Variants in AVEN observed in about 807,000 individuals in gnomAD.
AVEN encodes cell death regulator Aven.
In AVEN, 41 loss-of-function variants were observed where a neutral mutation model predicts 38.1. The ratio of observed to expected loss-of-function variants is 1.08; its 90% CI spans 0.84 to 1.40. The LOEUF is 1.40. AVEN is among the 40% of genes most tolerant of loss of function. The pLI is 0.00. For synonymous variants in AVEN, 206 were observed against 171.8 expected, an observed-to-expected ratio of 1.20 and a Z score of -1.56; for missense variants, 605 against 438.8, an observed-to-expected ratio of 1.38 and a Z score of -3.38.
At chr15:33,887,634 C>G (rs1891757361) in intron 2 of AVEN, among the ~76,000 whole-genome samples, 1 of 152,070 alleles carries the variant, frequency 6.6e-6, no homozygotes, top group African/African-American at 2.4e-5. Context: ...TATTCTCAGA[C>G]AGACTCTGAG....
chr15:33,895,019 G>C (rs962084672), intron 2 of AVEN, among the ~76,000 whole-genome samples: 1 of 151,684 alleles, frequency 6.6e-6, no homozygotes, highest in Admixed American at 6.6e-5. Flanking sequence ...AGCATAGCAA[G>C]ATCCCAGAAT....
At chr15:33,863,380 T>A (rs145828187), downstream of AVEN, among the ~76,000 whole-genome samples, 4,929 of 152,244 alleles carry the variant, frequency 0.032, 155 homozygotes, top group Non-Finnish European at 0.039. Context: ...CTCTATACAC[T>A]ATACCACCAT....
chr15:33,933,309 G>A (rs780560240), intron 2 of AVEN, among the ~76,000 whole-genome samples: 2 of 152,108 alleles, frequency 1.3e-5, no homozygotes, highest in Non-Finnish European at 2.9e-5. Context: ...TTCCAAAGCA[G>A]TAACAAGGTT....
intron 2 of AVEN, chr15:33,972,365 T>C (rs1026094180): frequency 6.6e-6 from 1 of 152,080 alleles, no homozygotes; most frequent in African/African-American, 2.4e-5. Context: ...AGACGGTGTC[T>C]CTGAATGAGA....
chr15:33,884,408 A>T (rs1891615942), intron 2 of AVEN, among the ~76,000 whole-genome samples: 1 of 152,192 alleles, frequency 6.6e-6, no homozygotes, highest in African/African-American at 2.4e-5. Context: ...TTTTAAAAAT[A>T]GTCTGTCTTA....
intron 1 of AVEN, among the ~76,000 whole-genome samples, chr15:34,035,007 T>C (rs2684940): frequency 0.83 from 126,049 of 152,210 alleles, 52,409 homozygotes; most frequent in East Asian, 1. Context: ...AAGGAGCAAG[T>C]CCTTAGACAC....
At chr15:33,857,729 A>G (rs750371272), downstream of AVEN, 24 of 1,607,806 alleles carry the variant, frequency 1.5e-5, no homozygotes, top group Middle Eastern at 1.7e-4. Flanking sequence ...TGAACCTTTC[A>G]AGGTAGAGAA....
intron 1 of AVEN, among the ~76,000 whole-genome samples, chr15:34,009,249 A>G (rs1308742929): frequency 6.6e-6 from 1 of 152,246 alleles, no homozygotes; most frequent in Non-Finnish European, 1.5e-5. Context: ...CCACCTTACA[A>G]GATACACTAA....
chr15:33,997,688 C>A (rs1283571688), intron 2 of AVEN, among the ~76,000 whole-genome samples: 2 of 152,064 alleles, frequency 1.3e-5, no homozygotes, highest in African/African-American at 2.4e-5. Flanking sequence ...CCCTCATCTT[C>A]TCTCATATCT....
In AVEN at chr15:33,961,413, ATTC is replaced by A. The variant is rs139582733; in HGVS notation, c.445+41616_445+41618del. Among the ~76,000 whole-genome samples the A allele has an allele frequency of 6.3e-4, 96 of 152,128 alleles. No homozygotes were observed. In the East Asian group the frequency reaches 0.016, roughly 26 times the overall value. On this transcript the variant is annotated intron_variant, in intron 2 of 5. Coordinates refer to ENST00000306730, the MANE Select transcript of AVEN (RefSeq NM_020371.3). ...GGAGGAATTATTGGCTAGAATTTTG[ATTC>A]TTAAGGTTCTACTGTTCTAACGTAT...
chr15:34,057,134 T>A (rs2140837499), intron 5 of AVEN, among the ~76,000 whole-genome samples: 1 of 47,810 alleles, frequency 2.1e-5, no homozygotes, highest in East Asian at 3.4e-4. Context: ...GAGTTTTGGT[T>A]TTTTTTGGTT....
chr15:33,893,486 A>G (rs1022209158), intron 2 of AVEN, among the ~76,000 whole-genome samples: 3 of 152,208 alleles, frequency 2.0e-5, no homozygotes, highest in Non-Finnish European at 4.4e-5. Flanking sequence ...GCTTGAGCCC[A>G]GGAGTTGGGG....
chr15:33,893,213 C>A (rs1892062231), intron 2 of AVEN, among the ~76,000 whole-genome samples: 1 of 152,174 alleles, frequency 6.6e-6, no homozygotes, highest in Non-Finnish European at 1.5e-5. Flanking sequence ...CCCTTTATTT[C>A]TTTCTCCTGC....
downstream of AVEN, chr15:33,866,150 CA>C (rs1432323964): frequency 5.9e-6 from 1 of 170,434 alleles, no homozygotes. Context: ...GTTGATTCTA[CA>C]ACCACTCTGT....
chr15:34,058,487 A>AATTTCCCAAACAGGCCACTATAAATCT (rs1900231672), intron 5 of AVEN, among the ~76,000 whole-genome samples: 1 of 151,814 alleles, frequency 6.6e-6, no homozygotes, highest in African/African-American at 2.4e-5. Flanking sequence ...AGAGAGAGCC[A>AATTTCCCAAACAGGCCACTATAAATCT]ATTTCCCAAA....
chr15:33,854,870 A>G, downstream of AVEN: 1 of 1,613,296 alleles, frequency 6.2e-7, no homozygotes, highest in Non-Finnish European at 8.5e-7. Context: ...GCTTCAAGAC[A>G]CTGAGGACCA....
chr15:33,988,479 T>C (rs979645164), intron 2 of AVEN, among the ~76,000 whole-genome samples: 5 of 152,150 alleles, frequency 3.3e-5, no homozygotes, highest in Admixed American at 6.5e-5. Context: ...TTTAATGAAA[T>C]AGAGAATGTG....
chr15:33,890,657 G>T (rs1332209670), intron 2 of AVEN, among the ~76,000 whole-genome samples: 1 of 152,090 alleles, frequency 6.6e-6, no homozygotes, highest in Non-Finnish European at 1.5e-5. Flanking sequence ...AAATGGCAGA[G>T]ATCTTCAATT....
chr15:33,969,595 T>C (rs1168721076), intron 2 of AVEN, among the ~76,000 whole-genome samples: 3 of 152,060 alleles, frequency 2.0e-5, no homozygotes, highest in Admixed American at 2.0e-4. Flanking sequence ...GCTCAATGAC[T>C]GATTTCTATT....
Sources: gnomAD v4.1 joint callset for allele counts (sites outside exome capture counted in the v4.1 genomes callset) on GRCh38, gnomAD v4.1.1 for gene constraint, MANE v1.5 for transcripts, NCBI Gene and HGNC (gene_info 2026-07-23, HGNC 2026-07-21) for gene names.